The following PPM1L variants were observed in gnomAD, a reference collection of about 807,000 sequenced individuals.
PPM1L encodes the protein protein phosphatase, Mg2+/Mn2+ dependent 1L, also known as protein phosphatase 1L.
PPM1L carries 13 observed loss-of-function variants against 31.4 expected under a neutral mutation model. The ratio of observed to expected loss-of-function variants is 0.41; its 90% CI spans 0.27 to 0.66. The LOEUF (loss-of-function observed/expected upper bound fraction) is 0.66, where lower values mean the gene tolerates loss of function less well. Among genes scored for constraint, PPM1L ranks in the 30% least tolerant of loss-of-function variants. The probability of loss-of-function intolerance (pLI) is 0.29; values close to 1 mark genes in which losing one functional copy is unlikely to be tolerated. For synonymous variants in PPM1L, 184 were observed against 175.4 expected (o/e 1.05, Z -0.39); for missense variants, 326 against 453.7 (o/e 0.72, Z 2.56).
chr3:160,779,012 A>C (rs1711655021), intron 1 of PPM1L, among the ~76,000 whole-genome samples: 1 of 151,612 alleles, frequency 6.6e-6, no homozygotes, highest in African/African-American at 2.4e-5. Context: ...TCTACAGTAA[A>C]CAGTCTAAAA....
At chr3:160,898,388 G>A (rs1351864573) in intron 1 of PPM1L, among the ~76,000 whole-genome samples, 1 of 152,164 alleles carries the variant, frequency 6.6e-6, no homozygotes, top group Non-Finnish European at 1.5e-5. Context: ...GACTCTCAGC[G>A]TCTCCTGAGG....
intron 1 of PPM1L, among the ~76,000 whole-genome samples, chr3:160,810,695 A>G (rs1199857686): frequency 6.6e-6 from 1 of 152,244 alleles, no homozygotes; most frequent in African/African-American, 2.4e-5. Context: ...CCTGCCAGCA[A>G]ATCCTGGATG....
chr3:160,895,354 AG>A (rs1205488681), intron 1 of PPM1L, among the ~76,000 whole-genome samples: 1 of 151,644 alleles, frequency 6.6e-6, no homozygotes, highest in African/African-American at 2.4e-5. Flanking sequence ...CTGGGACTAC[AG>A]GTGTGCACCA....
At chr3:160,920,615 T>TCTCTCTCTCTCTCTCA (rs1389629070) in intron 1 of PPM1L, among the ~76,000 whole-genome samples, 10 of 28,656 alleles carry the variant, frequency 3.5e-4, no homozygotes, top group Non-Finnish European at 5.9e-4. Context: ...TCTCTCTCTC[T>TCTCTCTCTCTCTCTCA]CACACACACA....
chr3:161,051,373 TAC>T (rs5853922), intron 2 of PPM1L, among the ~76,000 whole-genome samples: 55,964 of 146,850 alleles, frequency 0.38, 10,797 homozygotes, highest in East Asian at 0.77. Context: ...ATTTAGTCAC[TAC>T]ACACACACAC....
chr3:160,828,625 C>T (rs368726333), intron 1 of PPM1L, among the ~76,000 whole-genome samples: 2 of 152,020 alleles, frequency 1.3e-5, no homozygotes, highest in African/African-American at 4.8e-5. Context: ...GTAGAGACTG[C>T]AGGTTTTGGT....
At chr3:160,957,943 G>A (rs904393956) in intron 1 of PPM1L, among the ~76,000 whole-genome samples, 3 of 152,034 alleles carry the variant, frequency 2.0e-5, no homozygotes, top group African/African-American at 4.8e-5. Context: ...ATGATTGTTG[G>A]CTGCATGTAT....
chr3:160,758,298 G>A (rs1213987916), intron 1 of PPM1L, among the ~76,000 whole-genome samples: 3 of 152,214 alleles, frequency 2.0e-5, no homozygotes, highest in African/African-American at 7.2e-5. Context: ...TGGCTGATTT[G>A]TCTTCTTGGC....
intron 1 of PPM1L, among the ~76,000 whole-genome samples, chr3:160,817,820 G>T (rs1713042341): frequency 6.6e-6 from 1 of 152,004 alleles, no homozygotes; most frequent in Non-Finnish European, 1.5e-5. Flanking sequence ...AAGGAGGCAA[G>T]TTCAGCTTTG....
At chr3:160,947,098 T>G (rs937708392) in intron 1 of PPM1L, among the ~76,000 whole-genome samples, 5 of 152,192 alleles carry the variant, frequency 3.3e-5, no homozygotes, top group Non-Finnish European at 7.3e-5. Context: ...AAGTGTTAAC[T>G]GGCAAGTCAG....
rs573611104 is a variant in PPM1L, at chr3:160,847,464, A to G, written c.399+90757A>G. Reference sequence around the variant, plus strand: ...AAGTGAAAATAGAGTAGAATAACGAATTTGCCTGAAAGGAATGCAAGACTT... The same window carrying G: ...AAGTGAAAATAGAGTAGAATAACGAGTTTGCCTGAAAGGAATGCAAGACTT... On this transcript the variant is annotated intron_variant, in intron 1 of 3. Coordinates refer to ENST00000498165, the MANE Select transcript of PPM1L (RefSeq NM_139245.4). Among the ~76,000 whole-genome samples the G allele has an allele frequency of 7.2e-5, 11 of 152,310 alleles. 1 individual carries two copies. The East Asian group carries it at 2.1e-3, about 29-fold the overall frequency.
rs1714524012 is a variant in PPM1L at position 160,924,581 on chromosome 3, C to G, written c.400-37155C>G. Among the ~76,000 whole-genome samples, 3 of 152,122 alleles carry G rather than the reference C, an allele frequency of 2.0e-5. No individual in the cohort carries two copies. In the South Asian group the frequency reaches 6.2e-4, roughly 32 times the overall value. On this transcript the variant is annotated intron_variant, in intron 1 of 3. Coordinates refer to ENST00000498165, the MANE Select transcript of PPM1L (RefSeq NM_139245.4). Reference sequence around the variant, plus strand: ...TTCTCCAGGACAATATAAAATAGTTCAATAAGCCATTTAGCTTAGGTGTTA... The same window carrying G: ...TTCTCCAGGACAATATAAAATAGTTGAATAAGCCATTTAGCTTAGGTGTTA...
chr3:161,068,137 G>C (rs909298814), intron 3 of PPM1L, among the ~76,000 whole-genome samples: 1 of 152,158 alleles, frequency 6.6e-6, no homozygotes, highest in African/African-American at 2.4e-5. Flanking sequence ...CAGGGACTGT[G>C]CCAAATGACT....
intron 1 of PPM1L, among the ~76,000 whole-genome samples, chr3:160,914,913 A>G (rs938315336): frequency 6.6e-6 from 1 of 152,148 alleles, no homozygotes; most frequent in East Asian, 1.9e-4. Context: ...CCAACAGTGT[A>G]AAAGTGTTCC....
intron 2 of PPM1L, among the ~76,000 whole-genome samples, chr3:161,020,691 A>C (rs1250203583): frequency 6.6e-6 from 1 of 152,136 alleles, no homozygotes; most frequent in Non-Finnish European, 1.5e-5. Flanking sequence ...GTTTTTCTTT[A>C]TGGGAAGCTT....
chr3:160,781,227 C>T lies in PPM1L; in HGVS notation c.399+24520C>T, dbSNP rs1238100214. 2.0e-5 allele frequency among the ~76,000 whole-genome samples: 3 copies of T among 152,292 alleles called. No homozygotes were observed. In the East Asian group the frequency reaches 5.8e-4, roughly 29 times the overall value. On this transcript the variant is annotated intron_variant, in intron 1 of 3. Coordinates refer to ENST00000498165, the MANE Select transcript of PPM1L (RefSeq NM_139245.4). ...GGTTTTTCTTTTAGTGATAGAGCGACTCATGGCTTTTTGTAAACTCTTAAT... is the reference window on the plus strand; with the variant it reads ...GGTTTTTCTTTTAGTGATAGAGCGATTCATGGCTTTTTGTAAACTCTTAAT...
intron 1 of PPM1L, among the ~76,000 whole-genome samples, chr3:160,837,603 T>A (rs1436694928): frequency 6.6e-6 from 1 of 152,190 alleles, no homozygotes; most frequent in Admixed American, 6.5e-5. Context: ...GTACATCTTG[T>A]CAGGAAGGCC....
At chr3:160,931,988 T>G (rs1714803790) in intron 1 of PPM1L, among the ~76,000 whole-genome samples, 1 of 124,942 alleles carries the variant, frequency 8.0e-6, no homozygotes, top group Non-Finnish European at 2.0e-5. Context: ...GGAGTCATTC[T>G]TTTGTTTTTT....
chr3:160,880,669 G>C (rs1024985164), intron 1 of PPM1L, among the ~76,000 whole-genome samples: 1 of 150,774 alleles, frequency 6.6e-6, no homozygotes, highest in South Asian at 2.1e-4. Flanking sequence ...TTAAATTTCT[G>C]TTTCTATCAA....
Sources: gnomAD v4.1 joint callset for allele counts (sites outside exome capture counted in the v4.1 genomes callset) on GRCh38, gnomAD v4.1.1 for gene constraint, MANE v1.5 for transcripts, NCBI Gene and HGNC (gene_info 2026-07-23, HGNC 2026-07-21) for gene names.